Variants in SUPT3H observed in about 807,000 individuals in gnomAD.
SUPT3H encodes SPT3 homolog, SAGA and STAGA complex component.
In SUPT3H, 44 loss-of-function variants were observed where a neutral mutation model predicts 44.3. The observed-to-expected ratio is 0.99, with a 90% CI of 0.78 to 1.28. SUPT3H has a LOEUF of 1.28. Ranked by LOEUF, SUPT3H falls within the 50% of genes most tolerant of loss-of-function variation. SUPT3H has a pLI of 0.00. For missense variants in SUPT3H, 380 were observed against 387.1 expected (o/e 0.98, Z 0.15); for synonymous variants, 124 against 125.6 (o/e 0.99, Z 0.09).
chr6:45,014,947 T>A, intron 4 of SUPT3H, 56 bp from the exon 5 acceptor site: 1 of 1,125,518 alleles, frequency 8.9e-7, no homozygotes, highest in South Asian at 2.0e-5. Flanking sequence ...TTCACTTTAC[T>A]GATTAAAGAC....
chr6:45,153,590 G>C (rs1357515197), intron 2 of SUPT3H, among the ~76,000 whole-genome samples: 4 of 152,258 alleles, frequency 2.6e-5, no homozygotes, highest in Non-Finnish European at 4.4e-5. Flanking sequence ...GATAATGTTG[G>C]CTGGGCACAG....
At chr6:45,286,052 G>A (rs1779194006) in intron 2 of SUPT3H, among the ~76,000 whole-genome samples, 1 of 145,302 alleles carries the variant, frequency 6.9e-6, no homozygotes, top group Non-Finnish European at 1.5e-5. Flanking sequence ...TATGTAGAAA[G>A]CTGAAACTGG....
intron 10 of SUPT3H, among the ~76,000 whole-genome samples, chr6:44,832,147 C>T (rs755075378): frequency 1.1e-4 from 16 of 146,866 alleles, no homozygotes; most frequent in African/African-American, 2.9e-4. Flanking sequence ...ATTATGGGAA[C>T]GTCCCAACTT....
chr6:44,948,262 T>C (rs1009397421), intron 9 of SUPT3H, among the ~76,000 whole-genome samples: 8 of 152,254 alleles, frequency 5.3e-5, no homozygotes, highest in African/African-American at 1.4e-4. Context: ...AAGACTTAAA[T>C]ATTAGACCTA....
chr6:45,210,509 C>T (rs1232104629), intron 2 of SUPT3H, among the ~76,000 whole-genome samples: 1 of 152,134 alleles, frequency 6.6e-6, no homozygotes. Context: ...CCTGGAAGCC[C>T]CCTCTCCCAC....
At chr6:44,876,581 C>A (rs1777316248) in intron 10 of SUPT3H, among the ~76,000 whole-genome samples, 1 of 147,502 alleles carries the variant, frequency 6.8e-6, no homozygotes, top group Non-Finnish European at 1.5e-5. Context: ...TGCAGCGCAC[C>A]AGCATGGCAC....
intron 3 of SUPT3H, among the ~76,000 whole-genome samples, chr6:45,040,878 T>C (rs1036273987): frequency 6.6e-6 from 1 of 152,162 alleles, no homozygotes; most frequent in African/African-American, 2.4e-5. Flanking sequence ...GTCCCTCCCT[T>C]ATATGTGAGG....
intron 2 of SUPT3H, among the ~76,000 whole-genome samples, chr6:45,210,377 C>T (rs80186168): frequency 6.6e-6 from 1 of 152,172 alleles, no homozygotes; most frequent in Non-Finnish European, 1.5e-5. Context: ...TATTGTTTCA[C>T]TAAGCCTGAC....
At chr6:44,924,654 A>G (rs1769250698) in intron 10 of SUPT3H, among the ~76,000 whole-genome samples, 1 of 152,122 alleles carries the variant, frequency 6.6e-6, no homozygotes, top group African/African-American at 2.4e-5. Context: ...ATTAAAATTA[A>G]AAGTAATTAA....
intron 10 of SUPT3H, among the ~76,000 whole-genome samples, chr6:44,869,469 G>A (rs1370352524): frequency 1.3e-5 from 2 of 151,032 alleles, no homozygotes; most frequent in African/African-American, 2.5e-5. Context: ...TGAAACAGAC[G>A]ATATTGCAAC....
chr6:45,099,607 T>A (rs1281885081), intron 3 of SUPT3H, among the ~76,000 whole-genome samples: 2 of 152,208 alleles, frequency 1.3e-5, no homozygotes, highest in African/African-American at 2.4e-5. Flanking sequence ...CTTACCATAA[T>A]GTTTTAAAAT....
At chr6:45,248,977 G>A (rs1771879028) in intron 2 of SUPT3H, among the ~76,000 whole-genome samples, 1 of 151,262 alleles carries the variant, frequency 6.6e-6, no homozygotes, top group Non-Finnish European at 1.5e-5. Context: ...AGGACACTCT[G>A]GAAAAAAATT....
intron 3 of SUPT3H, among the ~76,000 whole-genome samples, chr6:45,025,266 G>A (rs1399167641): frequency 6.6e-6 from 1 of 152,084 alleles, no homozygotes; most frequent in Non-Finnish European, 1.5e-5. Flanking sequence ...ACACAACAGT[G>A]TTTCTCATCT....
In SUPT3H at chr6:45,090,659, G is replaced by A. The variant is rs150932194; in HGVS notation, c.186+15263C>T. On this transcript the variant is annotated intron_variant, in intron 3 of 10. Coordinates refer to ENST00000371459, the MANE Select transcript of SUPT3H (RefSeq NM_003599.4). ...TAAATATAATGTACTCATTGAAACC[G>A]TATTCTTATCAGTGAAATCAAATGC... Among the ~76,000 whole-genome samples, 47 of 151,864 alleles carry A rather than the reference G, an allele frequency of 3.1e-4. 1 individual carries two copies. The East Asian group carries it at 6.2e-3, about 20-fold the overall frequency.
intron 10 of SUPT3H, among the ~76,000 whole-genome samples, chr6:44,919,800 C>G (rs533501452): frequency 6.6e-6 from 1 of 152,264 alleles, no homozygotes; most frequent in South Asian, 2.1e-4. Flanking sequence ...TGCAATATTG[C>G]AGTGCCACCT....
chr6:44,852,695 G>A (rs1773082756), intron 10 of SUPT3H, among the ~76,000 whole-genome samples: 1 of 152,132 alleles, frequency 6.6e-6, no homozygotes, highest in African/African-American at 2.4e-5. Flanking sequence ...AACAGCTATG[G>A]TAAATTCTCT....
intron 10 of SUPT3H, among the ~76,000 whole-genome samples, chr6:44,844,195 CA>C (rs958809601): frequency 1.3e-5 from 2 of 151,928 alleles, no homozygotes; most frequent in African/African-American, 4.8e-5. Flanking sequence ...CATCCATATG[CA>C]AAAAAGTGAA....
At chr6:45,116,591 T>C (rs1329935536) in intron 2 of SUPT3H, among the ~76,000 whole-genome samples, 2 of 152,182 alleles carry the variant, frequency 1.3e-5, no homozygotes, top group African/African-American at 4.8e-5. Context: ...TGGGATTAGC[T>C]TTGTCCCCTG....
intron 10 of SUPT3H, among the ~76,000 whole-genome samples, chr6:44,857,974 C>T (rs1428737403): frequency 6.6e-6 from 1 of 152,140 alleles, no homozygotes; most frequent in African/African-American, 2.4e-5. Flanking sequence ...TGAGTCTGTT[C>T]TTCCTGGTTA....
Sources: allele counts gnomAD v4.1 joint callset (sites outside exome capture counted in the v4.1 genomes callset), GRCh38; gene constraint gnomAD v4.1.1; transcripts MANE v1.5; gene names NCBI Gene and HGNC (gene_info 2026-07-23, HGNC 2026-07-21).